The following OPCML variants were observed in gnomAD, a reference collection of about 807,000 sequenced individuals.
OPCML encodes the protein opioid binding protein/cell adhesion molecule like.
Under a neutral mutation model 37.8 loss-of-function variants are expected in OPCML, and 13 were observed. That is an observed-to-expected ratio of 0.34 (90% CI 0.22 to 0.55). The LOEUF (loss-of-function observed/expected upper bound fraction) is 0.55. Among genes scored for constraint, OPCML ranks in the 20% least tolerant of loss-of-function variants. The probability of loss-of-function intolerance (pLI) is 0.91; values close to 1 mark genes in which losing one functional copy is unlikely to be tolerated. For missense variants in OPCML, 341 were observed against 435.6 expected (o/e 0.78, Z 1.93); for synonymous variants, 176 against 168.8 (o/e 1.04, Z -0.33).
At position 133,504,820 on chromosome 11, in the gene OPCML, T is replaced by C. The variant is rs1947992000; in HGVS notation, c.61+27444A>G. 2.6e-5 allele frequency among the ~76,000 whole-genome samples: 4 copies of C among 152,230 alleles called. No homozygotes were observed. In the South Asian group the frequency reaches 8.3e-4, roughly 31 times the overall value. On this transcript the variant is annotated intron_variant, in intron 1 of 7. Coordinates refer to ENST00000524381, the MANE Select transcript of OPCML (RefSeq NM_001012393.5). The stretch of plus-strand genomic sequence containing the variant: ...TGACATTTTCAAGACCAAATTAAAA[T>C]GCGCCACCATGGAGACAAAATGTCA...
At chr11:132,834,989 A>C (rs1233826418) in intron 2 of OPCML, among the ~76,000 whole-genome samples, 1 of 16,376 alleles carries the variant, frequency 6.1e-5, no homozygotes, top group Non-Finnish European at 1.2e-4. Context: ...GGCACTTTGT[A>C]AAAAAAAAAA....
At chr11:133,003,906 T>A in intron 1 of OPCML, 2 of 985,342 alleles carry the variant, frequency 2.0e-6, no homozygotes, top group Non-Finnish European at 2.4e-6. Flanking sequence ...TCCCCGCCAA[T>A]CCCGGTGGGG....
chr11:133,196,093 C>G (rs1938526837), intron 1 of OPCML, among the ~76,000 whole-genome samples: 1 of 152,136 alleles, frequency 6.6e-6, no homozygotes, highest in Non-Finnish European at 1.5e-5. Context: ...ACACCTGTGT[C>G]TTAGCAAATT....
chr11:133,525,032 A>T (rs1186727056), intron 1 of OPCML, among the ~76,000 whole-genome samples: 1 of 152,224 alleles, frequency 6.6e-6, no homozygotes, highest in Non-Finnish European at 1.5e-5. Flanking sequence ...CTGAGAACAT[A>T]TTGGAGAACA....
At chr11:133,302,825 T>G (rs755099067) in intron 1 of OPCML, among the ~76,000 whole-genome samples, 27 of 152,276 alleles carry the variant, frequency 1.8e-4, no homozygotes, top group Non-Finnish European at 4.4e-5. Flanking sequence ...TAGAAGAGAT[T>G]CTCACAATTT....
intron 1 of OPCML, among the ~76,000 whole-genome samples, chr11:133,202,778 G>C (rs1938855921): frequency 6.6e-6 from 1 of 152,218 alleles, no homozygotes; most frequent in Non-Finnish European, 1.5e-5. Context: ...GATCCTGCCA[G>C]GACCCAACAT....
At chr11:132,668,646 T>C (rs1206534317) in intron 2 of OPCML, among the ~76,000 whole-genome samples, 1 of 152,230 alleles carries the variant, frequency 6.6e-6, no homozygotes, top group African/African-American at 2.4e-5. Context: ...TTTAACCAAG[T>C]GATACTGAAT....
At chr11:133,242,772 A>G (rs1335216345) in intron 1 of OPCML, among the ~76,000 whole-genome samples, 2 of 151,966 alleles carry the variant, frequency 1.3e-5, no homozygotes, top group Non-Finnish European at 2.9e-5. Flanking sequence ...TTCCTGCTGC[A>G]CTCTCTGCAT....
intron 2 of OPCML, among the ~76,000 whole-genome samples, chr11:132,937,639 G>A (rs1225331522): frequency 6.8e-6 from 1 of 147,644 alleles, no homozygotes. Flanking sequence ...TGTGTGTGCT[G>A]GGGAGGCAGA....
chr11:133,499,163 C>A (rs541488493), intron 1 of OPCML, among the ~76,000 whole-genome samples: 2 of 152,126 alleles, frequency 1.3e-5, no homozygotes, highest in East Asian at 3.9e-4. Context: ...CAGAAGTCAA[C>A]GTTTTTGCTG....
chr11:133,333,077 G>A (rs1943659359), intron 1 of OPCML, among the ~76,000 whole-genome samples: 1 of 151,140 alleles, frequency 6.6e-6, no homozygotes, highest in African/African-American at 2.4e-5. Context: ...GTAGTATCTT[G>A]AGACAGAGTC....
intron 1 of OPCML, among the ~76,000 whole-genome samples, chr11:133,070,622 A>G (rs1445214197): frequency 6.6e-6 from 1 of 152,216 alleles, no homozygotes; most frequent in Non-Finnish European, 1.5e-5. Flanking sequence ...GGTGCAACTG[A>G]AACTATTTAG....
At chr11:132,693,015 GTGACT>G (rs1228535917) in intron 2 of OPCML, among the ~76,000 whole-genome samples, 1 of 152,176 alleles carries the variant, frequency 6.6e-6, no homozygotes. Context: ...TAGAAAATGT[GTGACT>G]TACAAGTAAA....
chr11:132,436,973 C>T, intron 5 of OPCML, 194 bp from the exon 6 acceptor site: 2 of 954,820 alleles, frequency 2.1e-6, no homozygotes, highest in South Asian at 4.8e-5. Flanking sequence ...TTGACCCCAA[C>T]CTCTTTTTCA....
At chr11:133,361,290 C>T (rs1300985823) in intron 1 of OPCML, 1 of 152,336 alleles carries the variant, frequency 6.6e-6, no homozygotes, top group Non-Finnish European at 1.5e-5. Flanking sequence ...GAGGGGGTTT[C>T]CGGGAGCGCA....
intron 1 of OPCML, among the ~76,000 whole-genome samples, chr11:133,012,788 T>A (rs956275116): frequency 1.4e-5 from 2 of 146,812 alleles, no homozygotes; most frequent in African/African-American, 5.1e-5. Flanking sequence ...GGCAGGAGAA[T>A]CACTTGAACC....
intron 3 of OPCML, among the ~76,000 whole-genome samples, chr11:132,531,691 A>G (rs1052670968): frequency 3.3e-5 from 5 of 151,864 alleles, no homozygotes; most frequent in African/African-American, 1.2e-4. Flanking sequence ...ACCCAAATAC[A>G]TGCTGGGAAA....
chr11:133,249,118 A>G (rs1227480380), intron 1 of OPCML, among the ~76,000 whole-genome samples: 1 of 152,164 alleles, frequency 6.6e-6, no homozygotes, highest in Non-Finnish European at 1.5e-5. Context: ...TTGTGTTGCT[A>G]TAAAGGAATA....
chr11:132,430,778 G>A (rs955156255), intron 7 of OPCML, among the ~76,000 whole-genome samples: 3 of 152,040 alleles, frequency 2.0e-5, no homozygotes, highest in African/African-American at 4.8e-5. Flanking sequence ...CTTTGTTTGC[G>A]TTCTCTCTCC....
Sources: allele counts gnomAD v4.1 joint callset (sites outside exome capture counted in the v4.1 genomes callset), GRCh38; gene constraint gnomAD v4.1.1; transcripts MANE v1.5; gene names NCBI Gene and HGNC (gene_info 2026-07-23, HGNC 2026-07-21).